CFAP44: variants seen among roughly 807,000 people sequenced by gnomAD.
The protein encoded by CFAP44 is cilia- and flagella-associated protein 44.
A neutral mutation model predicts 216.2 loss-of-function variants in CFAP44; 134 were observed. The observed-to-expected ratio is 0.62, with a 90% CI of 0.54 to 0.72. The LOEUF is 0.72. Among genes scored for constraint, CFAP44 ranks in the 30% least tolerant of loss-of-function variants. CFAP44 has a pLI of 0.00. For missense variants in CFAP44, 2,035 were observed against 2,182.1 expected (o/e 0.93, Z 1.34); for synonymous variants, 700 against 727.6 (o/e 0.96, Z 0.61).
At chr3:113,387,587 G>A (rs1164427459) in intron 15 of CFAP44, among the ~76,000 whole-genome samples, 1 of 152,068 alleles carries the variant, frequency 6.6e-6, no homozygotes, top group East Asian at 1.9e-4. Flanking sequence ...TCTGGGACAA[G>A]CTGGTTTTAA....
rs942710340 is a variant in CFAP44 at position 113,289,259 on chromosome 3, C to T, written c.*2298G>A. On this transcript the variant is annotated 3_prime_UTR_variant, in exon 35 of 35. Transcript: ENST00000393845. ...TTCAGTGTTAACTGTCGTCAATTCCCAAACATGCGGAATGAAGCCCTGAAT... is the reference window on the plus strand; with the variant it reads ...TTCAGTGTTAACTGTCGTCAATTCCTAAACATGCGGAATGAAGCCCTGAAT... The T allele has an allele frequency of 6.6e-6, 1 of 152,184 alleles. No homozygotes were observed. The highest frequency in any genetic ancestry group is 2.4e-5 in the African/African-American group (1 of 41,432). The allele number at this position is 152,184 out of a possible 1,614,324, so 9.4% of individuals were successfully genotyped here.
At chr3:113,378,548 G>A (rs1311745951) in intron 17 of CFAP44, among the ~76,000 whole-genome samples, 1 of 152,120 alleles carries the variant, frequency 6.6e-6, no homozygotes, top group Non-Finnish European at 1.5e-5. Context: ...CCTAGGACCA[G>A]GGATGAATTA....
chr3:113,291,601 T>G lies in CFAP44; in HGVS notation c.5521A>C (p.Ile1841Leu). The change falls in exon 35 of 35, where the codon ATT becomes CTT. Residue 1841 changes from isoleucine to leucine, a missense_variant. Around this residue, in one of 3 missense-constraint regions of CFAP44, gnomAD observed 1,883 missense variants for 2,023.7 expected, o/e 0.93. Coordinates refer to ENST00000393845, the MANE Select transcript of CFAP44 (RefSeq NM_001164496.2). ...RRKGSLILPPIQSPREKEIQP... is the reference protein window; with the variant it reads ...RRKGSLILPPLQSPREKEIQP... ...ATCTCTTTCTCTCGTGGAGACTGAA[T>G]GGGTGGGAGGATAAGACTGCCTTTC... is the stretch of plus-strand genomic sequence containing the variant. 2 of 1,537,248 alleles carry G rather than the reference T, an allele frequency of 1.3e-6. No homozygotes were observed. Among genetic ancestry groups the G allele is most frequent in the Non-Finnish European group, 1.7e-6 (2 of 1,146,920 alleles).
rs761534181 is a variant in CFAP44 at position 113,400,652 on chromosome 3, T to C, written c.1375-8A>G. ...GCATTCTGGGTCCTGGGTCTGAGAA[T>C]AGATAGACAGCTTACTAGATCTCAA... On this transcript the variant is annotated splice_polypyrimidine_tract_variant and splice_region_variant and intron_variant, in intron 11 of 34. Transcript: ENST00000393845. 7 of 1,605,760 alleles carry C rather than the reference T, an allele frequency of 4.4e-6. No individual in the cohort carries two copies. In the East Asian group the frequency reaches 1.3e-4, roughly 31 times the overall value.
chr3:113,370,739 G>T (rs2107323102), intron 18 of CFAP44, among the ~76,000 whole-genome samples: 1 of 152,280 alleles, frequency 6.6e-6, no homozygotes, highest in Admixed American at 6.5e-5. Context: ...GGGCAAACAG[G>T]CAAGAGAAAG....
chr3:113,296,638 A>G, intron 33 of CFAP44, 87 bp downstream of exon 33: 1 of 1,446,752 alleles, frequency 6.9e-7, no homozygotes, highest in Non-Finnish European at 9.2e-7. Flanking sequence ...AGCTACACAG[A>G]TGCTTCATGG....
chr3:113,326,386 CCTCT>C (rs1170686185), intron 28 of CFAP44, 55 bp downstream of exon 28: 21 of 1,396,640 alleles, frequency 1.5e-5, no homozygotes, highest in South Asian at 3.4e-5. Flanking sequence ...CCCTTAGTTA[CCTCT>C]CTATTTCATG....
At chr3:113,333,368 G>T (rs17255950) in intron 25 of CFAP44, 38 bp downstream of exon 25, 54,639 of 1,510,618 alleles carry the variant, frequency 0.036, 1,295 homozygotes, top group East Asian at 0.11. Context: ...AGAACCCAGG[G>T]TGCCTTCTCC....
chr3:113,369,517 T>C (rs1303953171), intron 18 of CFAP44, among the ~76,000 whole-genome samples: 1 of 152,174 alleles, frequency 6.6e-6, no homozygotes, highest in Non-Finnish European at 1.5e-5. Flanking sequence ...ATAAAGATGT[T>C]CTTTGAAACC....
intron 22 of CFAP44, among the ~76,000 whole-genome samples, chr3:113,350,306 G>C (rs996121356): frequency 6.6e-6 from 1 of 151,850 alleles, no homozygotes; most frequent in Non-Finnish European, 1.5e-5. Flanking sequence ...AAGAAAGAAA[G>C]AGACAGAAAG....
intron 3 of CFAP44, among the ~76,000 whole-genome samples, chr3:113,426,483 T>C (rs1025769828): frequency 3.9e-5 from 6 of 152,152 alleles, no homozygotes; most frequent in African/African-American, 1.2e-4. Context: ...ATAAGGGACA[T>C]TTCCCTCCTT....
chr3:113,380,917 A>G lies in CFAP44; in HGVS notation c.2034T>C (p.Ser678=). Residue 678 remains serine (S), a synonymous_variant, in exon 16 of 35, where the codon AGT becomes AGC. Coordinates refer to ENST00000393845, the MANE Select transcript of CFAP44 (RefSeq NM_001164496.2). Reference sequence around the variant, plus strand: ...TCCATACCAGAATCTTAGATTTGACACTTGAAAAATGGAAACATTTTATGC... The same window carrying G: ...TCCATACCAGAATCTTAGATTTGACGCTTGAAAAATGGAAACATTTTATGC... ...DMCIKCFHFS[S]VKSKILRLIE... 6.3e-7 allele frequency: 1 copy of G among 1,582,732 alleles called. No individual in the cohort carries two copies. The highest frequency in any genetic ancestry group is 8.6e-7 in the Non-Finnish European group (1 of 1,167,050).
intron 32 of CFAP44, among the ~76,000 whole-genome samples, chr3:113,299,330 C>T (rs143567721): frequency 2.6e-5 from 4 of 152,214 alleles, no homozygotes; most frequent in East Asian, 3.9e-4. Context: ...CATTGCTGAT[C>T]GTCAGAAAAG....
chr3:113,424,624 T>A (rs984572966), intron 4 of CFAP44, among the ~76,000 whole-genome samples: 18 of 152,168 alleles, frequency 1.2e-4, no homozygotes, highest in African/African-American at 3.1e-4. Context: ...CTAAATCTAA[T>A]GGGGGCCATC....
Position 113,363,083 on chromosome 3 carries a change from T to C in CFAP44, c.2934+62A>G, listed in dbSNP as rs776869445. The C allele has an allele frequency of 4.2e-6, 6 of 1,440,734 alleles. 1 individual carries two copies. The highest frequency in any genetic ancestry group is 3.5e-5 in the South Asian group (2 of 56,588). The allele number at this position is 1,440,734 out of a possible 1,614,324, so 89.2% of individuals were successfully genotyped here. On this transcript the variant is annotated intron_variant, in intron 21 of 34. Transcript: ENST00000393845. ...TAAGTGTTTCTACTTGTTGGGAAAA[T>C]AGTCATCTCTATCCAGAAATAGCAT...
chr3:113,330,355 G>T lies in CFAP44; in HGVS notation c.3929C>A (p.Ser1310Tyr), dbSNP rs1010214804. 6.5e-7 allele frequency: 1 copy of T among 1,537,152 alleles called. No individual in the cohort carries two copies. The highest frequency in any genetic ancestry group is 1.4e-5 in the African/African-American group (1 of 73,016). ...TGTCAAATCCCCATCCTTTCTAGAA[G>T]AGAGTTTGAGGAATCCTCCAACTGG... ...GGPVGGFLKLSSRKDGDLTTR... is the reference protein window; with the variant it reads ...GGPVGGFLKLYSRKDGDLTTR... The change falls in exon 26 of 35, where the codon TCT becomes TAT. Residue 1310 changes from serine to tyrosine, a missense_variant. Coordinates refer to ENST00000393845, the MANE Select transcript of CFAP44 (RefSeq NM_001164496.2).
intron 26 of CFAP44, 114 bp from the exon 27 acceptor site, chr3:113,327,933 G>A (rs2107809077): frequency 1.1e-6 from 1 of 906,890 alleles, no homozygotes; most frequent in East Asian, 2.7e-5. Flanking sequence ...CTTATGGATG[G>A]AGAATTGTGT....
rs1056298889 is a variant in CFAP44, at chr3:113,287,039, C to T, written c.*4518G>A. The T allele has an allele frequency of 5.2e-6, 4 of 776,214 alleles. No individual in the cohort carries two copies. In the Admixed American group the frequency reaches 8.3e-5, roughly 16 times the overall value. The allele number at this position is 776,214 out of a possible 1,614,324, so 48.1% of individuals were successfully genotyped here. ...TTCTGGAGAGACATAAGGAGTCCTACCCGTTGAGGTTGGAGAGGGAAAATA... is the reference window on the plus strand; with the variant it reads ...TTCTGGAGAGACATAAGGAGTCCTATCCGTTGAGGTTGGAGAGGGAAAATA... On this transcript the variant is annotated 3_prime_UTR_variant, in exon 35 of 35. Transcript: ENST00000393845.
chr3:113,291,699 T>A lies in CFAP44; in HGVS notation c.5423A>T (p.Glu1808Val). The stretch of plus-strand genomic sequence containing the variant: ...CTGGAGTTGGATCAATTCAGTGACC[T>A]CCTCTCTTGCCACAACATCTGCTTC... ...PREADVVAREEVTELIQLQAE... is the reference protein window; with the variant it reads ...PREADVVAREVVTELIQLQAE... The change falls in exon 35 of 35, where the codon GAG becomes GTG. Residue 1808 changes from glutamate (E) to valine (V), a missense_variant. Physicochemically the swap from Glu to Val is moderately radical, Grantham distance 121. Coordinates refer to ENST00000393845, the MANE Select transcript of CFAP44 (RefSeq NM_001164496.2). 1 of 1,536,910 alleles carries A rather than the reference T, an allele frequency of 6.5e-7. No homozygotes were observed. The highest frequency in any genetic ancestry group is 8.7e-7 in the Non-Finnish European group (1 of 1,146,980).
Sources: gnomAD v4.1 joint callset for allele counts (sites outside exome capture counted in the v4.1 genomes callset) on GRCh38, gnomAD v4.1.1 for gene constraint, gnomAD v4.1.1 regional missense constraint, MANE v1.5 for transcripts, NCBI Gene and HGNC (gene_info 2026-07-23, HGNC 2026-07-21) for gene names.